The following HGS variants were observed in gnomAD, a reference collection of about 807,000 sequenced individuals.
HGS encodes hepatocyte growth factor-regulated tyrosine kinase substrate, also known as human growth factor-regulated tyrosine kinase substrate.
In HGS, 63 loss-of-function variants were observed where a neutral mutation model predicts 109.7. That is an observed-to-expected ratio of 0.57 (90% CI 0.47 to 0.71). The LOEUF is 0.71. Ranked by LOEUF, HGS falls within the 30% of genes least tolerant of loss-of-function variation. The probability of loss-of-function intolerance (pLI) is 0.00; values close to 1 mark genes in which losing one functional copy is unlikely to be tolerated. For synonymous variants in HGS, 546 were observed against 437.3 expected (o/e 1.25, Z -3.10); for missense variants, 995 against 1,068.3 (o/e 0.93, Z 0.96).
rs776784182 is a variant in HGS at position 81,701,741 on chromosome 17, AG to A, written c.*130del. On this transcript the variant is annotated 3_prime_UTR_variant, in exon 22 of 22. Coordinates refer to ENST00000329138, the MANE Select transcript of HGS (RefSeq NM_004712.5). ...CGGTAGTGTCCCTTCTCTGCGAGTG[AG>A]GGGGGGCCTTCACCCCAAGCCCACC... The A allele has an allele frequency of 2.5e-5, 35 of 1,393,954 alleles. No individual in the cohort carries two copies. Among genetic ancestry groups the A allele is most frequent in the East Asian group, 1.8e-4 (7 of 38,616 alleles). 86.3% of individuals were successfully genotyped at this position (1,393,954 alleles called of 1,614,324 possible).
At chr17:81,694,681 C>G in intron 11 of HGS, 134 bp from the exon 12 acceptor site, 1 of 994,022 alleles carries the variant, frequency 1.0e-6, no homozygotes, top group Middle Eastern at 2.1e-4. Flanking sequence ...ATGCCAGGAA[C>G]CAGAGGAGGG....
In HGS at chr17:81,696,642, G is replaced by C. The variant is rs910931680; in HGVS notation, c.1602G>C (p.Gln534His). ...YLEVQRQLAI[Q>H]RLQEQEKERQ... ...AGGTGCAGAGGCAGCTGGCCATCCAGCGCCTGCAGGAGCAGGAGAAGGAGC... is the reference window on the plus strand; with the variant it reads ...AGGTGCAGAGGCAGCTGGCCATCCACCGCCTGCAGGAGCAGGAGAAGGAGC... Residue 534 changes from glutamine to histidine, a missense_variant, in exon 17 of 22, where the codon CAG becomes CAC. Physicochemically the swap from Gln to His is conservative, Grantham distance 24. Around this residue, in one of 6 missense-constraint regions of HGS, gnomAD observed 163 missense variants for 217.8 expected, o/e 0.75. Transcript: ENST00000329138. 1 of 1,611,352 alleles carries C rather than the reference G, an allele frequency of 6.2e-7. No homozygotes were observed. The highest frequency in any genetic ancestry group is 1.3e-5 in the African/African-American group (1 of 74,936).
At position 81,691,320 on chromosome 17, in the gene HGS, C is replaced by G. The variant is rs2037061008; in HGVS notation, c.538-127C>G. ...CTTAGGGTCTTCCCAGGCACTTGTTCTGCTTGTCCCTTGCCTTCCCCCACC... is the reference window on the plus strand; with the variant it reads ...CTTAGGGTCTTCCCAGGCACTTGTTGTGCTTGTCCCTTGCCTTCCCCCACC... On this transcript the variant is annotated intron_variant, in intron 7 of 21. Coordinates refer to ENST00000329138, the MANE Select transcript of HGS (RefSeq NM_004712.5). This position sits in a 1 kb window ranked among gnomAD's most constrained non-coding sequence, Gnocchi z 5.3. 8 of 1,179,718 alleles carry G rather than the reference C, an allele frequency of 6.8e-6. No homozygotes were observed. In the South Asian group the frequency reaches 8.1e-5, roughly 12 times the overall value. 73.1% of individuals were successfully genotyped at this position (1,179,718 alleles called of 1,614,324 possible).
intron 18 of HGS, 149 bp from the exon 19 acceptor site, chr17:81,700,318 A>G (rs549708144): frequency 1.4e-5 from 10 of 729,874 alleles, no homozygotes; most frequent in African/African-American, 1.8e-5. Flanking sequence ...GCAGTGAGCC[A>G]GGATTGTGCC....
At chr17:81,694,727 C>T in intron 11 of HGS, 88 bp from the exon 12 acceptor site, 1 of 1,549,088 alleles carries the variant, frequency 6.5e-7, no homozygotes, top group East Asian at 2.2e-5. Flanking sequence ...CTCTGGTCTC[C>T]AGGATCTGTC....
At position 81,693,684 on chromosome 17, in the gene HGS, CAGG is replaced by C. The variant is rs764216896; in HGVS notation, c.784_786del (p.Glu262del). On this transcript the variant is annotated inframe_deletion, in exon 10 of 22. Transcript: ENST00000329138. ...CCCCAAGAGGGACGAGACGGCCCTG[CAGG>C]AGGAGGAGGAGCTGCAGCTGGCCCT... The C allele has an allele frequency of 5.1e-6, 8 of 1,556,046 alleles. No homozygotes were observed. The highest frequency in any genetic ancestry group is 2.4e-5 in the East Asian group (1 of 42,094).
chr17:81,693,820 G>A (rs375621472), intron 10 of HGS, 50 bp from the exon 11 acceptor site: 16 of 1,561,344 alleles, frequency 1.0e-5, no homozygotes, highest in Middle Eastern at 1.7e-4. Context: ...CGGTGGGGCC[G>A]GAGGGGCGTC....
chr17:81,684,347 C>T (rs901936344), intron 1 of HGS: 1 of 355,258 alleles, frequency 2.8e-6, no homozygotes, highest in African/African-American at 2.1e-5. Flanking sequence ...GCCAGGGGCG[C>T]TCGGCGACCT....
At chr17:81,684,544 CG>C (rs1280026155) in intron 1 of HGS, 15 of 164,824 alleles carry the variant, frequency 9.1e-5, no homozygotes, top group Non-Finnish European at 1.7e-4. Context: ...CTGGGACCTT[CG>C]AGCTCTCTTG....
In HGS at chr17:81,694,847, C is replaced by A. The variant is rs749855174; in HGVS notation, c.969C>A (p.Asp323Glu). 6.2e-7 allele frequency: 1 copy of A among 1,614,248 alleles called. No homozygotes were observed. The highest frequency in any genetic ancestry group is 1.1e-5 in the South Asian group (1 of 91,092). Residue 323 changes from aspartate to glutamate, a missense_variant, in exon 12 of 22, where the codon GAC becomes GAA. By Grantham distance (45) the Asp-to-Glu change is conservative. This residue lies in a region of HGS where 300 missense variants were observed against 235.4 expected (regional missense o/e 1.27). Transcript: ENST00000329138. ...NSSAPLAEDIDPELARYLNRN... is the reference protein window; with the variant it reads ...NSSAPLAEDIEPELARYLNRN... ...CGGCGCCTCTGGCTGAGGACATCGACCCTGAGGTAAGGCCCAGCATGGGGT... is the reference window on the plus strand; with the variant it reads ...CGGCGCCTCTGGCTGAGGACATCGAACCTGAGGTAAGGCCCAGCATGGGGT...
rs371581425 is a variant in HGS, at chr17:81,696,744, C to T, written c.1704C>T (p.Ala568=). 1.9e-6 allele frequency: 3 copies of T among 1,606,246 alleles called. No homozygotes were observed. Among genetic ancestry groups the T allele is most frequent in the Non-Finnish European group, 2.6e-6 (3 of 1,175,360 alleles). Residue 568 remains alanine (A), a synonymous_variant, in exon 17 of 22, where the codon GCC becomes GCT. Coordinates refer to ENST00000329138, the MANE Select transcript of HGS (RefSeq NM_004712.5). The part of the protein sequence containing the change: ...AQMPAFPLPY[A]QLQAMPAAGG... ...TGCCCGCCTTCCCCCTGCCCTACGC[C>T]CAGGCATGTGCCATCCTCCCGCCAC... is the stretch of plus-strand genomic sequence containing the variant.
chr17:81,695,589 T>G (rs926018372), intron 14 of HGS, 197 bp from the exon 15 acceptor site: 3 of 619,478 alleles, frequency 4.8e-6, no homozygotes, highest in Non-Finnish European at 8.5e-6. Flanking sequence ...AGCTCCGTCC[T>G]GACCAGGGCT....
In HGS at chr17:81,696,422, C is replaced by T. The variant is rs766670991; in HGVS notation, c.1459C>T (p.Leu487=). 3 of 1,576,200 alleles carry T rather than the reference C, an allele frequency of 1.9e-6. No homozygotes were observed. In the African/African-American group the frequency reaches 4.0e-5, roughly 21 times the overall value. Residue 487 remains leucine (L), a synonymous_variant, in exon 16 of 22, where the codon CTG becomes TTG. Transcript: ENST00000329138. ...IRDARGALSA[L]REEHREKLRR... is the part of the protein sequence containing the mutation. ...CGATGCCCGGGGGGCGCTGAGTGCCCTGCGCGAAGAGCACCGGGAGAAGCT... is the reference window on the plus strand; with the variant it reads ...CGATGCCCGGGGGGCGCTGAGTGCCTTGCGCGAAGAGCACCGGGAGAAGCT...
At position 81,691,927 on chromosome 17, in the gene HGS, C is replaced by T. The variant is rs1336251661; in HGVS notation, c.662+356C>T. ...TGCGGGGCCGCGGCCAGTGCCTCAGCGGTGGGAACCTGCGGGGCCGCGGCC... is the reference window on the plus strand; with the variant it reads ...TGCGGGGCCGCGGCCAGTGCCTCAGTGGTGGGAACCTGCGGGGCCGCGGCC... On this transcript the variant is annotated intron_variant, in intron 8 of 21. Coordinates refer to ENST00000329138, the MANE Select transcript of HGS (RefSeq NM_004712.5). This position sits in a 1 kb window ranked among gnomAD's most constrained non-coding sequence, Gnocchi z 5.3. The T allele has an allele frequency of 3.0e-5, 6 of 202,018 alleles. No homozygotes were observed. The highest frequency in any genetic ancestry group is 1.0e-4 in the South Asian group (1 of 9,954). The allele number at this position is 202,018 out of a possible 1,614,324, so 12.5% of individuals were successfully genotyped here.
chr17:81,696,494 G>T lies in HGS; in HGVS notation c.1531G>T (p.Ala511Ser). 3.9e-6 allele frequency: 6 copies of T among 1,524,930 alleles called. No homozygotes were observed. The highest frequency in any genetic ancestry group is 2.5e-5 in the South Asian group (2 of 79,782). The allele number at this position is 1,524,930 out of a possible 1,614,324, so 94.5% of individuals were successfully genotyped here. ...AGAGCGCCAGCGCCAGATCCAGCTG[G>T]CCCAGAAGCTGGAGATAATGCGGCA... The part of the protein sequence containing the change: ...EAERQRQIQL[A>S]QKLEIMRQKK... Residue 511 changes from alanine to serine, a missense_variant, in exon 16 of 22, where the codon GCC becomes TCC. This residue lies in a region of HGS where 163 missense variants were observed against 217.8 expected (regional missense o/e 0.75). Transcript: ENST00000329138.
intron 18 of HGS, chr17:81,697,354 C>CG (rs1424929244): frequency 7.5e-6 from 1 of 132,878 alleles, no homozygotes; most frequent in African/African-American, 3.1e-5. Flanking sequence ...CATTTGCCCC[C>CG]CCCCCCCCCG....
chr17:81,700,840 G>A (rs758383300), intron 20 of HGS, 26 bp downstream of exon 20: 2 of 1,600,144 alleles, frequency 1.2e-6, no homozygotes, highest in South Asian at 2.2e-5. Context: ...GGCCCTGCTG[G>A]GGGCCAGGGT....
At position 81,701,750 on chromosome 17, in the gene HGS, C is replaced by A; in HGVS notation, c.*132C>A. On this transcript the variant is annotated 3_prime_UTR_variant, in exon 22 of 22. Transcript: ENST00000329138. ...CCCTTCTCTGCGAGTGAGGGGGGGCCTTCACCCCAAGCCCACCTCCCTTGT... is the reference window on the plus strand; with the variant it reads ...CCCTTCTCTGCGAGTGAGGGGGGGCATTCACCCCAAGCCCACCTCCCTTGT... 7.4e-7 allele frequency: 1 copy of A among 1,344,400 alleles called. No individual in the cohort carries two copies. The highest frequency in any genetic ancestry group is 9.9e-7 in the Non-Finnish European group (1 of 1,012,524). The allele number at this position is 1,344,400 out of a possible 1,614,324, so 83.3% of individuals were successfully genotyped here. A position where few individuals can be genotyped will look rare whatever the true frequency, so the allele number is the denominator to read the frequency against.
Position 81,693,981 on chromosome 17 carries a change from G to T in HGS, c.936+16G>T. 1.3e-6 allele frequency: 2 copies of T among 1,595,416 alleles called. No individual in the cohort carries two copies. Among genetic ancestry groups the T allele is most frequent in the Non-Finnish European group, 8.5e-7 (1 of 1,172,962 alleles). ...TTCACCTGTGGTGAGCGGCCCTTGG[G>T]CTGGAGCTCCCTCTCCTGGAAGGCA... is the stretch of plus-strand genomic sequence containing the variant. On this transcript the variant is annotated intron_variant, in intron 11 of 21. Coordinates refer to ENST00000329138, the MANE Select transcript of HGS (RefSeq NM_004712.5).
Sources: allele counts gnomAD v4.1 joint callset, GRCh38; gene constraint gnomAD v4.1.1; regional missense constraint gnomAD v4.1.1; non-coding constraint Gnocchi (gnomAD v3.1); transcripts MANE v1.5; gene names NCBI Gene and HGNC (gene_info 2026-07-23, HGNC 2026-07-21).